The following COL23A1 variants were observed in gnomAD, a reference collection of about 807,000 sequenced individuals.
The protein encoded by COL23A1 is collagen type XXIII alpha 1 chain, also known as collagen alpha-1(XXIII) chain.
Under a neutral mutation model 99.3 loss-of-function variants are expected in COL23A1, and 97 were observed. The observed-to-expected ratio is 0.98, with a 90% CI of 0.83 to 1.16. The LOEUF is 1.16. Ranked by LOEUF, COL23A1 falls within the 50% of genes most tolerant of loss-of-function variation. The pLI, the probability that COL23A1 is intolerant of heterozygous loss-of-function variation, is 0.00. For synonymous variants in COL23A1, 320 were observed against 308.2 expected (o/e 1.04, Z -0.40); for missense variants, 762 against 757.4 (o/e 1.01, Z -0.07).
At chr5:178,345,420 T>C (rs1760906718) in intron 2 of COL23A1, 1 of 298,544 alleles carries the variant, frequency 3.3e-6, no homozygotes, top group South Asian at 4.4e-5. Context: ...AACTGTTCTC[T>C]AAACACACTT....
chr5:178,509,571 G>T (rs1241512830), intron 2 of COL23A1, among the ~76,000 whole-genome samples: 2 of 152,088 alleles, frequency 1.3e-5, no homozygotes, highest in African/African-American at 4.8e-5. Flanking sequence ...CATTGAAATT[G>T]AAAAACAAAG....
At chr5:178,290,211 C>T (rs1317354486) in intron 4 of COL23A1, 151 bp downstream of exon 4, 23 of 1,021,264 alleles carry the variant, frequency 2.3e-5, no homozygotes, top group South Asian at 1.9e-4. Context: ...GGATTCCAGG[C>T]GTGAGCCACC....
intron 2 of COL23A1, among the ~76,000 whole-genome samples, chr5:178,424,492 A>C (rs114254700): frequency 6.6e-6 from 1 of 152,308 alleles, no homozygotes; most frequent in African/African-American, 2.4e-5. Context: ...TAAAATGTGC[A>C]CATCAGTTGG....
At chr5:178,297,542 T>C (rs1757811439) in intron 3 of COL23A1, among the ~76,000 whole-genome samples, 1 of 152,152 alleles carries the variant, frequency 6.6e-6, no homozygotes, top group Non-Finnish European at 1.5e-5. Context: ...AAAACAGAGA[T>C]GTCAAAGACA....
At chr5:178,411,270 C>T (rs991641427) in intron 2 of COL23A1, among the ~76,000 whole-genome samples, 2 of 152,128 alleles carry the variant, frequency 1.3e-5, no homozygotes, top group African/African-American at 4.8e-5. Context: ...AGATAATTAC[C>T]ATATGACCCA....
chr5:178,262,124 G>C, intron 10 of COL23A1, 93 bp downstream of exon 10: 1 of 1,337,364 alleles, frequency 7.5e-7, no homozygotes, highest in South Asian at 1.3e-5. Context: ...ATGTGCGCGT[G>C]ACCCTGCTGT....
At chr5:178,401,275 T>C (rs1407737201) in intron 2 of COL23A1, among the ~76,000 whole-genome samples, 1 of 152,272 alleles carries the variant, frequency 6.6e-6, no homozygotes, top group Non-Finnish European at 1.5e-5. Flanking sequence ...GGGTCATTTG[T>C]ATCCTCTGGC....
chr5:178,582,935 A>C (rs1287388794), intron 1 of COL23A1, among the ~76,000 whole-genome samples: 1 of 152,164 alleles, frequency 6.6e-6, no homozygotes, highest in East Asian at 1.9e-4. Context: ...AAACCCACAC[A>C]CAGGGTTCGC....
At chr5:178,465,048 A>C (rs73803411) in intron 2 of COL23A1, among the ~76,000 whole-genome samples, 2,992 of 152,238 alleles carry the variant, frequency 0.02, 122 homozygotes, top group African/African-American at 0.068. Context: ...GGGCCCTAAA[A>C]ATAGTTCACT....
intron 2 of COL23A1, among the ~76,000 whole-genome samples, chr5:178,394,158 C>T (rs113918316): frequency 6.6e-6 from 1 of 152,326 alleles, no homozygotes; most frequent in African/African-American, 2.4e-5. Flanking sequence ...GGAGGAGGCC[C>T]AGGGCTCCAG....
chr5:178,349,508 T>TCCCCCCCCCCCCCCC (rs1761187889), intron 2 of COL23A1, among the ~76,000 whole-genome samples: 1 of 88,864 alleles, frequency 1.1e-5, no homozygotes, highest in Non-Finnish European at 2.1e-5. Flanking sequence ...CCATCCCCCA[T>TCCCCCCCCCCCCCCC]GCCCCACACC....
intron 2 of COL23A1, among the ~76,000 whole-genome samples, chr5:178,430,930 T>C (rs1301906133): frequency 6.6e-6 from 1 of 151,922 alleles, no homozygotes; most frequent in Non-Finnish European, 1.5e-5. Context: ...GGTGAGTTCA[T>C]ACAGACGTAA....
At chr5:178,341,108 A>AGTGCCTGCCCC (rs1481363476) in intron 2 of COL23A1, among the ~76,000 whole-genome samples, 1 of 152,146 alleles carries the variant, frequency 6.6e-6, no homozygotes, top group Non-Finnish European at 1.5e-5. Flanking sequence ...CTCCCTGTCC[A>AGTGCCTGCCCC]GTGCCTGCCC....
At chr5:178,486,343 T>C (rs145934355) in intron 2 of COL23A1, among the ~76,000 whole-genome samples, 1 of 152,120 alleles carries the variant, frequency 6.6e-6, no homozygotes, top group Non-Finnish European at 1.5e-5. Flanking sequence ...CAGGGAGGCT[T>C]AGTACTCTTG....
intron 24 of COL23A1, 142 bp downstream of exon 24, chr5:178,246,112 C>T (rs1278227186): frequency 2.3e-6 from 3 of 1,306,158 alleles, no homozygotes; most frequent in Non-Finnish European, 3.3e-6. Flanking sequence ...GAGGCCAGGA[C>T]AGACCTGGCA....
intron 2 of COL23A1, among the ~76,000 whole-genome samples, chr5:178,337,242 G>C (rs969636240): frequency 1.3e-5 from 2 of 152,252 alleles, no homozygotes; most frequent in South Asian, 4.1e-4. Context: ...GGAGCGCAGA[G>C]ACCCGCGTGT....
At position 178,523,201 on chromosome 5, in the gene COL23A1, T is replaced by TATAGAGAG. The variant is rs1223542330; in HGVS notation, c.361+37480_361+37481insCTCTCTAT. On this transcript the variant is annotated intron_variant, in intron 2 of 28. Transcript: ENST00000390654. ...ATACACATATATATATATATATATA[T>TATAGAGAG]AGAGAGAGAGAGAGAGAGAGAGAGA... 3.3e-3 allele frequency among the ~76,000 whole-genome samples: 258 copies of TATAGAGAG among 77,562 alleles called. 1 individual carries two copies. Among genetic ancestry groups the TATAGAGAG allele is most frequent in the East Asian group, 5.9e-3 (18 of 3,040 alleles). The allele number at this position is 77,562 out of a possible 152,430, so 50.9% of individuals were successfully genotyped here.
Position 178,322,326 on chromosome 5 carries a change from G to T in COL23A1, c.362-15407C>A, listed in dbSNP as rs532154130. Among the ~76,000 whole-genome samples, 246 of 152,280 alleles carry T rather than the reference G, an allele frequency of 1.6e-3. 1 individual carries two copies. The highest frequency in any genetic ancestry group is 5.3e-3 in the African/African-American group (221 of 41,568). On this transcript the variant is annotated intron_variant, in intron 2 of 28. Coordinates refer to ENST00000390654, the MANE Select transcript of COL23A1 (RefSeq NM_173465.4). ...TTTTTTTGTATTTTAGTAGAGACGG[G>T]GTTTCGCCATGTTGGTCAGGCTGGT...
Position 178,271,818 on chromosome 5 carries a change from C to T in COL23A1, c.442-1455G>A, listed in dbSNP as rs114795194. Among the ~76,000 whole-genome samples the T allele has an allele frequency of 4.7e-3, 709 of 152,208 alleles. 4 individuals carry two copies. The highest frequency in any genetic ancestry group is 0.016 in the African/African-American group (683 of 41,532). On this transcript the variant is annotated intron_variant, in intron 5 of 28. Transcript: ENST00000390654. ...GACCTAACAAGTGTGTGTGTGGGGGCGGGGAGGGCCCTGTAAGCAAAAGAG... is the reference window on the plus strand; with the variant it reads ...GACCTAACAAGTGTGTGTGTGGGGGTGGGGAGGGCCCTGTAAGCAAAAGAG...
Sources: gnomAD v4.1 joint callset for allele counts (sites outside exome capture counted in the v4.1 genomes callset) on GRCh38, gnomAD v4.1.1 for gene constraint, MANE v1.5 for transcripts, NCBI Gene and HGNC (gene_info 2026-07-23, HGNC 2026-07-21) for gene names.